The following GPC5 variants were observed in gnomAD, a reference collection of about 807,000 sequenced individuals.
The protein encoded by GPC5 is glypican 5, also known as glypican-5.
Under a neutral mutation model 53.9 loss-of-function variants are expected in GPC5, and 47 were observed. That is an observed-to-expected ratio of 0.87 (90% confidence interval 0.69 to 1.11). The LOEUF (loss-of-function observed/expected upper bound fraction) is 1.11, where lower values mean the gene tolerates loss of function less well. Among genes scored for constraint, GPC5 ranks in the 50% most tolerant of loss-of-function variants. The probability of loss-of-function intolerance (pLI) is 0.00; values close to 1 mark genes in which losing one functional copy is unlikely to be tolerated. For synonymous variants in GPC5, 286 were observed against 263.3 expected, an observed-to-expected ratio of 1.09 and a Z score of -0.84; for missense variants, 748 against 713.1, an observed-to-expected ratio of 1.05 and a Z score of -0.56.
At chr13:91,679,599 C>G (rs966668461) in intron 2 of GPC5, among the ~76,000 whole-genome samples, 1 of 152,152 alleles carries the variant, frequency 6.6e-6, no homozygotes, top group East Asian at 1.9e-4. Flanking sequence ...ATTTATAGTA[C>G]AAAAGCAATG....
At chr13:91,995,772 G>T (rs1313686485) in intron 6 of GPC5, 2 of 152,086 alleles carry the variant, frequency 1.3e-5, no homozygotes, top group Admixed American at 6.5e-5. Flanking sequence ...CAGTCAGTAA[G>T]ATCATATACA....
At chr13:91,964,679 C>G (rs2040163696) in intron 6 of GPC5, among the ~76,000 whole-genome samples, 1 of 152,108 alleles carries the variant, frequency 6.6e-6, no homozygotes, top group South Asian at 2.1e-4. Context: ...CCCATCCCAC[C>G]CAAAAGCCCA....
At chr13:92,336,021 C>CAAT (rs2043320650) in intron 7 of GPC5, among the ~76,000 whole-genome samples, 1 of 152,162 alleles carries the variant, frequency 6.6e-6, no homozygotes, top group African/African-American at 2.4e-5. Flanking sequence ...GTAGTTCCAG[C>CAAT]TAGCAGTGGG....
intron 2 of GPC5, among the ~76,000 whole-genome samples, chr13:91,612,989 A>G (rs543522748): frequency 1.3e-5 from 2 of 152,224 alleles, no homozygotes; most frequent in South Asian, 4.2e-4. Flanking sequence ...CCTTCACTCA[A>G]ATCCTGGATC....
chr13:92,768,271 T>C (rs1044399991), intron 7 of GPC5, among the ~76,000 whole-genome samples: 1 of 152,190 alleles, frequency 6.6e-6, no homozygotes, highest in African/African-American at 2.4e-5. Context: ...ATCTTGTAGA[T>C]TTTAAAACCT....
At chr13:91,407,022 A>AT (rs1594045238) in intron 1 of GPC5, among the ~76,000 whole-genome samples, 1 of 152,320 alleles carries the variant, frequency 6.6e-6, no homozygotes, top group East Asian at 1.9e-4. Context: ...AGGATCTGTG[A>AT]TTGATTTCCC....
chr13:91,836,617 C>T (rs1472910958), intron 5 of GPC5, among the ~76,000 whole-genome samples: 1 of 151,838 alleles, frequency 6.6e-6, no homozygotes, highest in Non-Finnish European at 1.5e-5. Context: ...TGAATTCAAT[C>T]TTAAGGTAAA....
At chr13:91,614,743 G>C (rs747903389) in intron 2 of GPC5, among the ~76,000 whole-genome samples, 3 of 152,112 alleles carry the variant, frequency 2.0e-5, no homozygotes, top group Non-Finnish European at 2.9e-5. Flanking sequence ...GGGATTCAGG[G>C]ACCAGTAGAA....
intron 6 of GPC5, among the ~76,000 whole-genome samples, chr13:92,077,625 C>T (rs575420892): frequency 2.3e-4 from 35 of 152,188 alleles, no homozygotes; most frequent in Non-Finnish European, 3.8e-4. Context: ...AGAATTGCTG[C>T]TTCCTCCTTG....
intron 7 of GPC5, among the ~76,000 whole-genome samples, chr13:92,833,001 G>A (rs558193761): frequency 4.6e-5 from 7 of 152,160 alleles, no homozygotes; most frequent in South Asian, 4.2e-4. Context: ...GTGAGACTGC[G>A]TCTCAAAACA....
intron 7 of GPC5, among the ~76,000 whole-genome samples, chr13:92,577,652 G>C (rs1258151032): frequency 6.6e-6 from 1 of 152,014 alleles, no homozygotes; most frequent in Non-Finnish European, 1.5e-5. Flanking sequence ...TGGACTAAAA[G>C]CTCTTTGATT....
At position 91,650,027 on chromosome 13, in the gene GPC5, C is replaced by A. The variant is rs147968999; in HGVS notation, c.326-43160C>A. On this transcript the variant is annotated intron_variant, in intron 2 of 7. Transcript: ENST00000377067. Reference sequence around the variant, plus strand: ...CAACTTCCTTCAGTTGGTGACATTTCACACACTGTAGTGCAATACAAAACT... The same window carrying A: ...CAACTTCCTTCAGTTGGTGACATTTAACACACTGTAGTGCAATACAAAACT... Among the ~76,000 whole-genome samples, 7 of 152,222 alleles carry A rather than the reference C, an allele frequency of 4.6e-5. No individual in the cohort carries two copies. In the East Asian group the frequency reaches 1.2e-3, roughly 25 times the overall value.
intron 2 of GPC5, among the ~76,000 whole-genome samples, chr13:91,520,859 G>T (rs1178599310): frequency 6.6e-6 from 1 of 152,008 alleles, no homozygotes; most frequent in East Asian, 1.9e-4. Flanking sequence ...AACAGATAAT[G>T]ATTTCCTGTA....
At chr13:91,712,612 G>T (rs555201232) in intron 3 of GPC5, among the ~76,000 whole-genome samples, 14 of 152,020 alleles carry the variant, frequency 9.2e-5, no homozygotes, top group Non-Finnish European at 1.6e-4. Flanking sequence ...ATTCACATTG[G>T]AAAATCCGTA....
intron 2 of GPC5, among the ~76,000 whole-genome samples, chr13:91,665,146 A>T (rs2035077399): frequency 6.6e-6 from 1 of 152,216 alleles, no homozygotes; most frequent in Admixed American, 6.5e-5. Context: ...GAATCATATA[A>T]CTTACTGTAG....
intron 5 of GPC5, among the ~76,000 whole-genome samples, chr13:91,869,167 C>T (rs1041911096): frequency 6.6e-6 from 1 of 152,136 alleles, no homozygotes; most frequent in African/African-American, 2.4e-5. Flanking sequence ...TCAAGTGATT[C>T]TCCTGCCTCA....
At chr13:91,967,701 A>G (rs970450872) in intron 6 of GPC5, among the ~76,000 whole-genome samples, 1 of 152,038 alleles carries the variant, frequency 6.6e-6, no homozygotes, top group Non-Finnish European at 1.5e-5. Context: ...CAATATTTAT[A>G]TATTATTGTT....
chr13:92,697,486 T>C (rs1455635155), intron 7 of GPC5, among the ~76,000 whole-genome samples: 1 of 152,068 alleles, frequency 6.6e-6, no homozygotes, highest in Non-Finnish European at 1.5e-5. Context: ...CACTCATGAC[T>C]TGGCTATTTG....
intron 7 of GPC5, among the ~76,000 whole-genome samples, chr13:92,288,600 A>G (rs2042972525): frequency 6.6e-6 from 1 of 152,128 alleles, no homozygotes; most frequent in South Asian, 2.1e-4. Context: ...CCTGGACAAT[A>G]CCAGTGTTTG....
Sources: allele counts gnomAD v4.1 joint callset (sites outside exome capture counted in the v4.1 genomes callset), GRCh38; gene constraint gnomAD v4.1.1; transcripts MANE v1.5; gene names NCBI Gene and HGNC (gene_info 2026-07-23, HGNC 2026-07-21).